The following BPTF variants were observed in gnomAD, a reference collection of about 807,000 sequenced individuals.
The protein encoded by BPTF is nucleosome-remodeling factor subunit BPTF.
A neutral mutation model predicts 292.5 loss-of-function variants in BPTF; 18 were observed. That is an observed-to-expected ratio of 0.06 (90% CI 0.04 to 0.09). BPTF has a LOEUF of 0.09. BPTF is among the 10% of genes least tolerant of loss of function. The pLI is 1.00. For synonymous variants in BPTF, 1,225 were observed against 1,251.9 expected, an observed-to-expected ratio of 0.98 and a Z score of 0.45; for missense variants, 2,726 against 3,498.7, an observed-to-expected ratio of 0.78 and a Z score of 5.57.
chr17:67,857,448 C>T (rs2058766261), intron 2 of BPTF, among the ~76,000 whole-genome samples: 2 of 151,750 alleles, frequency 1.3e-5, no homozygotes, highest in Admixed American at 6.6e-5. Context: ...GTGTGAGCCA[C>T]CGTGCCTGGA....
Position 67,911,655 on chromosome 17 carries a change from G to T in BPTF, c.3771G>T (p.Val1257=). ...CCAAGAGTGCTTTACATTCATCAGT[G>T]CCTAAAAGTACCAATGACAGAGATG... ...SSSKSALHSS[V]PKSTNDRDAT... is the part of the protein sequence containing the mutation. The change falls in exon 11 of 28, where the codon GTG becomes GTT. Residue 1257 remains valine (V), a synonymous_variant. Coordinates refer to ENST00000306378, the MANE Select transcript of BPTF (RefSeq NM_182641.4). 6.2e-7 allele frequency: 1 copy of T among 1,614,158 alleles called. No individual in the cohort carries two copies. Among genetic ancestry groups the T allele is most frequent in the Non-Finnish European group, 8.5e-7 (1 of 1,180,034 alleles).
chr17:67,827,623 A>G (rs1362432191), intron 1 of BPTF, among the ~76,000 whole-genome samples: 1 of 152,170 alleles, frequency 6.6e-6, no homozygotes, highest in Non-Finnish European at 1.5e-5. Context: ...TCGTTGAAGT[A>G]AGGTGTGTCA....
Position 67,940,485 on chromosome 17 carries a change from C to A in BPTF, c.6306C>A (p.Val2102=). 6.2e-7 allele frequency: 1 copy of A among 1,614,142 alleles called. No homozygotes were observed. Among genetic ancestry groups the A allele is most frequent in the South Asian group, 1.1e-5 (1 of 91,088 alleles). The change falls in exon 19 of 28, where the codon GTC becomes GTA. Residue 2102 remains valine (V), a synonymous_variant. Coordinates refer to ENST00000306378, the MANE Select transcript of BPTF (RefSeq NM_182641.4). ...VMTQIIRGQP[V]STAVSAPNTV... Reference sequence around the variant, plus strand: ...CTCAAATCATCAGGGGGCAGCCTGTCTCCACTGCAGTCTCCGCCCCTAACA... The same window carrying A: ...CTCAAATCATCAGGGGGCAGCCTGTATCCACTGCAGTCTCCGCCCCTAACA...
rs552272446 is a variant in BPTF at position 67,853,849 on chromosome 17, A to T, written c.614-91A>T. The T allele has an allele frequency of 2.0e-5, 18 of 885,990 alleles. No individual in the cohort carries two copies. The African/African-American group carries it at 3.0e-4, about 15-fold the overall frequency. 54.9% of individuals were successfully genotyped at this position (885,990 alleles called of 1,614,324 possible). On this transcript the variant is annotated intron_variant, in intron 1 of 27. Transcript: ENST00000306378. ...TGACAATTATTAAAGAAATGTACTT[A>T]TGTATTTTAGGGGGGTATATGTTCA...
chr17:67,872,750 AAAAC>A (rs1350287289), intron 3 of BPTF, among the ~76,000 whole-genome samples: 1 of 152,186 alleles, frequency 6.6e-6, no homozygotes, highest in Non-Finnish European at 1.5e-5. Flanking sequence ...GCCTCTAAGA[AAAAC>A]AGATAATCGG....
At chr17:67,850,557 C>T (rs939962902) in intron 1 of BPTF, among the ~76,000 whole-genome samples, 3 of 151,988 alleles carry the variant, frequency 2.0e-5, no homozygotes, top group East Asian at 3.9e-4. Context: ...TTCTTAGAGA[C>T]GGGGTTTCAC....
intron 7 of BPTF, among the ~76,000 whole-genome samples, chr17:67,896,097 G>T (rs2061426485): frequency 6.6e-6 from 1 of 151,954 alleles, no homozygotes. Context: ...CGAGTAACTG[G>T]GACTATAGGC....
At chr17:67,848,596 AT>A (rs1410349241) in intron 1 of BPTF, among the ~76,000 whole-genome samples, 1 of 152,220 alleles carries the variant, frequency 6.6e-6, no homozygotes, top group Non-Finnish European at 1.5e-5. Flanking sequence ...TTTTTTTAAA[AT>A]TAAAAATATG....
intron 26 of BPTF, among the ~76,000 whole-genome samples, chr17:67,970,321 C>G (rs1182483760): frequency 6.6e-6 from 1 of 152,080 alleles, no homozygotes; most frequent in Non-Finnish European, 1.5e-5. Context: ...ATCACTTCAG[C>G]TGGGAGGTGG....
intron 18 of BPTF, among the ~76,000 whole-genome samples, chr17:67,940,002 G>T (rs2065238381): frequency 6.6e-6 from 1 of 152,224 alleles, no homozygotes; most frequent in Non-Finnish European, 1.5e-5. Context: ...TATAAATGCA[G>T]TTGGCCCAGA....
intron 9 of BPTF, among the ~76,000 whole-genome samples, chr17:67,906,754 C>T (rs766078633): frequency 3.3e-5 from 5 of 152,078 alleles, no homozygotes; most frequent in Non-Finnish European, 5.9e-5. Context: ...CAGTATCTTG[C>T]TCGCGACAGA....
At chr17:67,862,209 C>G (rs1446530399) in intron 2 of BPTF, among the ~76,000 whole-genome samples, 2 of 152,176 alleles carry the variant, frequency 1.3e-5, no homozygotes, top group Admixed American at 1.3e-4. Context: ...CTCCCGACCT[C>G]AGGTAATCCA....
intron 11 of BPTF, among the ~76,000 whole-genome samples, chr17:67,916,126 T>C (rs1463509484): frequency 6.6e-6 from 1 of 152,194 alleles, no homozygotes; most frequent in Admixed American, 6.5e-5. Context: ...TAGTTAACAT[T>C]TCCCCTCTGA....
chr17:67,893,226 CT>C (rs1010792857), intron 5 of BPTF, 143 bp from the exon 6 acceptor site: 44 of 634,916 alleles, frequency 6.9e-5, no homozygotes, highest in Middle Eastern at 3.0e-4. Flanking sequence ...TTTAACTTAG[CT>C]TTTAGACTTC....
intron 7 of BPTF, among the ~76,000 whole-genome samples, chr17:67,897,917 A>AT (rs1205526533): frequency 1.3e-5 from 2 of 152,190 alleles, no homozygotes; most frequent in Non-Finnish European, 1.5e-5. Flanking sequence ...TTTATTAATA[A>AT]TTAATAGCAA....
chr17:67,826,773 G>A (rs1300163326), intron 1 of BPTF, among the ~76,000 whole-genome samples: 1 of 151,954 alleles, frequency 6.6e-6, no homozygotes, highest in East Asian at 1.9e-4. Flanking sequence ...GGTTTCTTTC[G>A]GATTTTTATT....
At chr17:67,918,469 A>G (rs1048936327) in intron 11 of BPTF, among the ~76,000 whole-genome samples, 4 of 152,158 alleles carry the variant, frequency 2.6e-5, no homozygotes, top group African/African-American at 7.2e-5. Context: ...ATAAACTTAT[A>G]TGGCATTTAA....
chr17:67,978,465 A>AT (rs2069848897), intron 27 of BPTF, among the ~76,000 whole-genome samples: 1 of 151,176 alleles, frequency 6.6e-6, no homozygotes, highest in Non-Finnish European at 1.5e-5. Context: ...TGCCCAGCTG[A>AT]TTTTTGTATT....
chr17:67,975,929 A>G lies in BPTF; in HGVS notation c.8697A>G (p.Val2899=). ...CAGAAGTTCTCGAATCATTCTTTGT[A>G]CAGAAATTGAAAGGCTTCAAAGCTA... ...QCAEVLESFF[V]QKLKGFKASR... is the part of the protein sequence containing the mutation. The change falls in exon 27 of 28, where the codon GTA becomes GTG. Residue 2899 remains valine (V), a synonymous_variant. Coordinates refer to ENST00000306378, the MANE Select transcript of BPTF (RefSeq NM_182641.4). 1 of 1,612,126 alleles carries G rather than the reference A, an allele frequency of 6.2e-7. No individual in the cohort carries two copies. Among genetic ancestry groups the G allele is most frequent in the Non-Finnish European group, 8.5e-7 (1 of 1,179,524 alleles).
Sources: allele counts gnomAD v4.1 joint callset (sites outside exome capture counted in the v4.1 genomes callset), GRCh38; gene constraint gnomAD v4.1.1; transcripts MANE v1.5; gene names NCBI Gene and HGNC (gene_info 2026-07-23, HGNC 2026-07-21).